The following PLXNA4 variants were observed in gnomAD, a reference collection of about 807,000 sequenced individuals.
PLXNA4 encodes plexin A4, also known as plexin-A4.
PLXNA4 carries 44 observed loss-of-function variants against 191.8 expected under a neutral mutation model. The observed-to-expected ratio is 0.23, with a 90% CI of 0.18 to 0.29. The LOEUF is 0.29. Ranked by LOEUF, PLXNA4 falls within the 10% of genes least tolerant of loss-of-function variation. The probability of loss-of-function intolerance (pLI) is 1.00; values close to 1 mark genes in which losing one functional copy is unlikely to be tolerated. For synonymous variants in PLXNA4, 1,082 were observed against 1,009.5 expected, an observed-to-expected ratio of 1.07 and a Z score of -1.36; for missense variants, 1,800 against 2,488.8, an observed-to-expected ratio of 0.72 and a Z score of 5.89.
chr7:132,503,437 G>T (rs1442792130), intron 2 of PLXNA4, among the ~76,000 whole-genome samples: 1 of 152,220 alleles, frequency 6.6e-6, no homozygotes, highest in Non-Finnish European at 1.5e-5. Context: ...ATTCTGGGAT[G>T]CCAGGTGCTT....
chr7:132,509,048 T>C (rs1365339218), intron 1 of PLXNA4, among the ~76,000 whole-genome samples: 1 of 152,158 alleles, frequency 6.6e-6, no homozygotes, highest in African/African-American at 2.4e-5. Context: ...ATGATCATGA[T>C]TAACAGCCAT....
chr7:132,398,918 C>T (rs182942028), intron 3 of PLXNA4, among the ~76,000 whole-genome samples: 2 of 152,280 alleles, frequency 1.3e-5, no homozygotes, highest in African/African-American at 4.8e-5. Flanking sequence ...AGGACACCCA[C>T]AGGAGATTCT....
At chr7:132,445,157 GAAAAAA>G (rs71529762) in intron 3 of PLXNA4, among the ~76,000 whole-genome samples, 45 of 53,800 alleles carry the variant, frequency 8.4e-4, no homozygotes, top group South Asian at 2.5e-3. Context: ...TCCATCTCAG[GAAAAAA>G]AAAAAAAAAA....
intron 1 of PLXNA4, among the ~76,000 whole-genome samples, chr7:132,537,794 A>C (rs1359413699): frequency 6.6e-6 from 1 of 152,224 alleles, no homozygotes; most frequent in Non-Finnish European, 1.5e-5. Context: ...AAATTCTTAA[A>C]AAAAGAAAGT....
chr7:132,427,182 A>T (rs1333519836), intron 3 of PLXNA4, among the ~76,000 whole-genome samples: 8 of 152,208 alleles, frequency 5.3e-5, no homozygotes, highest in Non-Finnish European at 1.0e-4. Flanking sequence ...CTTCTGGGAG[A>T]CAAAAGACCT....
chr7:132,371,018 G>T (rs527912996), intron 3 of PLXNA4, among the ~76,000 whole-genome samples: 1 of 152,310 alleles, frequency 6.6e-6, no homozygotes, highest in African/African-American at 2.4e-5. Context: ...CAGAGGTCAG[G>T]GGGCACAAGA....
chr7:132,423,452 C>T (rs1320452870), intron 3 of PLXNA4, among the ~76,000 whole-genome samples: 1 of 152,136 alleles, frequency 6.6e-6, no homozygotes, highest in African/African-American at 2.4e-5. Context: ...GGGTTTCCCT[C>T]TTCCCATTTT....
At chr7:132,533,867 A>G (rs1279320284) in intron 1 of PLXNA4, among the ~76,000 whole-genome samples, 2 of 152,142 alleles carry the variant, frequency 1.3e-5, no homozygotes, top group Non-Finnish European at 2.9e-5. Context: ...GTTTGGGACC[A>G]CTTCCCACAG....
Position 132,508,712 on chromosome 7 carries a change from T to C in PLXNA4, c.-19A>G, listed in dbSNP as rs1359820246. ...CTTTCATGGCAGAGGCGGGTCCCAG[T>C]GGCACAGCAGCACTCAGGCACAGTC... On this transcript the variant is annotated 5_prime_UTR_variant, in exon 2 of 32. Transcript: ENST00000321063. This position sits in a 1 kb window ranked among gnomAD's most constrained non-coding sequence, Gnocchi z 4.4. 2 of 1,487,846 alleles carry C rather than the reference T, an allele frequency of 1.3e-6. No individual in the cohort carries two copies. The highest frequency in any genetic ancestry group is 4.3e-5 in the Admixed American group (2 of 45,996). The allele number at this position is 1,487,846 out of a possible 1,614,324, so 92.2% of individuals were successfully genotyped here.
chr7:132,595,802 G>A (rs1802699925), intron 2 of PLXNA4, among the ~76,000 whole-genome samples: 2 of 152,098 alleles, frequency 1.3e-5, no homozygotes, highest in South Asian at 4.2e-4. Context: ...TGAACACTAG[G>A]TGCCCTCCAC....
At chr7:132,398,545 T>C (rs1287364783) in intron 3 of PLXNA4, among the ~76,000 whole-genome samples, 1 of 152,188 alleles carries the variant, frequency 6.6e-6, no homozygotes, top group African/African-American at 2.4e-5. Flanking sequence ...ATGAAGCCAG[T>C]GAGCCAAAAC....
At chr7:132,563,453 CCTCCTT>C (rs1187969762) in intron 1 of PLXNA4, among the ~76,000 whole-genome samples, 1 of 107,460 alleles carries the variant, frequency 9.3e-6, no homozygotes, top group African/African-American at 3.7e-5. Flanking sequence ...TCCTCCTCCT[CCTCCTT>C]CTCCTCCTCC....
At chr7:132,579,295 C>G (rs922064803), upstream of PLXNA4, among the ~76,000 whole-genome samples, 4 of 152,054 alleles carry the variant, frequency 2.6e-5, no homozygotes, top group African/African-American at 9.7e-5. Context: ...ACTCAGCTTT[C>G]AGGGTATGTC....
chr7:132,380,867 G>A (rs1804867897), intron 3 of PLXNA4, among the ~76,000 whole-genome samples: 1 of 152,208 alleles, frequency 6.6e-6, no homozygotes, highest in Non-Finnish European at 1.5e-5. Flanking sequence ...CCACGCCTTA[G>A]GGGGAAATGG....
intron 3 of PLXNA4, among the ~76,000 whole-genome samples, chr7:132,402,977 C>T (rs73726037): frequency 0.025 from 3,852 of 152,304 alleles, 132 homozygotes; most frequent in African/African-American, 0.084. Context: ...CATGCAAATG[C>T]GTAATAACTG....
chr7:132,171,649 C>G (rs1432614220), intron 21 of PLXNA4, among the ~76,000 whole-genome samples: 3 of 152,154 alleles, frequency 2.0e-5, no homozygotes, highest in African/African-American at 7.2e-5. Context: ...TCTCTGTGTG[C>G]AAAATGCATA....
At chr7:132,555,763 A>G (rs1452730845) in intron 1 of PLXNA4, among the ~76,000 whole-genome samples, 1 of 152,238 alleles carries the variant, frequency 6.6e-6, no homozygotes, top group East Asian at 1.9e-4. Context: ...AGTTAGTTCC[A>G]ATCCTTACCC....
At chr7:132,412,902 C>T (rs1473631442) in intron 3 of PLXNA4, among the ~76,000 whole-genome samples, 1 of 152,164 alleles carries the variant, frequency 6.6e-6, no homozygotes, top group Non-Finnish European at 1.5e-5. Context: ...GACGACCCCT[C>T]TCCTTTCCTC....
At chr7:132,430,318 G>C (rs1240394942) in intron 3 of PLXNA4, among the ~76,000 whole-genome samples, 1 of 152,128 alleles carries the variant, frequency 6.6e-6, no homozygotes, top group Non-Finnish European at 1.5e-5. Flanking sequence ...TCTGCACCCA[G>C]CACCCAGCAC....
Sources: allele counts gnomAD v4.1 joint callset (sites outside exome capture counted in the v4.1 genomes callset), GRCh38; gene constraint gnomAD v4.1.1; non-coding constraint Gnocchi (gnomAD v3.1); transcripts MANE v1.5; gene names NCBI Gene and HGNC (gene_info 2026-07-23, HGNC 2026-07-21).